The following COPA variants were observed in gnomAD, a reference collection of about 807,000 sequenced individuals.
COPA encodes the protein coat protein complex I subunit alpha, also known as coatomer subunit alpha.
Under a neutral mutation model 158.7 loss-of-function variants are expected in COPA, and 10 were observed. The observed-to-expected ratio is 0.06, with a 90% CI of 0.04 to 0.11. The LOEUF (loss-of-function observed/expected upper bound fraction) is 0.11. COPA is among the 10% of genes least tolerant of loss of function. The pLI is 1.00. For synonymous variants in COPA, 462 were observed against 542.8 expected (o/e 0.85, Z 2.07); for missense variants, 1,065 against 1,536.7 (o/e 0.69, Z 5.13).
chr1:160,309,859 C>T lies in COPA; in HGVS notation c.1143+333G>A, dbSNP rs537096772. The stretch of plus-strand genomic sequence containing the variant: ...CAAAATAATAGTTCTTCTATTTTCA[C>T]CCAAAGGAAGGGATCAAGGTAAACA... On this transcript the variant is annotated intron_variant, in intron 12 of 32. Transcript: ENST00000241704. 2.6e-5 allele frequency among the ~76,000 whole-genome samples: 4 copies of T among 151,622 alleles called. No homozygotes were observed. In the East Asian group the frequency reaches 5.8e-4, roughly 22 times the overall value.
intron 27 of COPA, 22 bp from the exon 28 acceptor site, chr1:160,292,642 A>C: frequency 1.3e-6 from 2 of 1,565,666 alleles, no homozygotes; most frequent in South Asian, 2.3e-5. Flanking sequence ...GGAAAGAAAC[A>C]AGGATTTTGG....
chr1:160,297,247 A>G, intron 21 of COPA, 96 bp downstream of exon 21: 1 of 1,091,892 alleles, frequency 9.2e-7, no homozygotes, highest in Non-Finnish European at 1.4e-6. Context: ...TGCACAATAA[A>G]GAGAAATCCC....
intron 3 of COPA, among the ~76,000 whole-genome samples, chr1:160,336,809 T>C (rs1290792470): frequency 6.6e-6 from 1 of 152,178 alleles, no homozygotes; most frequent in Non-Finnish European, 1.5e-5. Context: ...ATTATAAAAA[T>C]TTCATTTCCT....
intron 3 of COPA, chr1:160,339,597 A>C (rs12081673): frequency 0.019 from 4,001 of 212,102 alleles, 168 homozygotes; most frequent in African/African-American, 0.088. Flanking sequence ...CACTGTGAAT[A>C]TCTCTCTATT....
Position 160,290,378 on chromosome 1 carries a change from T to C in COPA, c.3615+114A>G, listed in dbSNP as rs578009931. ...GGAGATGCTCTAGCTTTCTCCAGTG[T>C]CACTGCCTCAGGGAGCAGGGGACAA... On this transcript the variant is annotated intron_variant, in intron 32 of 32. Coordinates refer to ENST00000241704, the MANE Select transcript of COPA (RefSeq NM_004371.4). 7 of 1,409,762 alleles carry C rather than the reference T, an allele frequency of 5.0e-6. No individual in the cohort carries two copies. The South Asian group carries it at 6.6e-5, about 13-fold the overall frequency. The allele number at this position is 1,409,762 out of a possible 1,614,324, so 87.3% of individuals were successfully genotyped here.
chr1:160,304,178 TA>T (rs771815206), intron 17 of COPA, among the ~76,000 whole-genome samples: 7 of 151,252 alleles, frequency 4.6e-5, no homozygotes, highest in Non-Finnish European at 8.8e-5. Flanking sequence ...CACACCCAGC[TA>T]ATTTTTTTTT....
intron 17 of COPA, 100 bp downstream of exon 17, chr1:160,305,333 A>G (rs1312071716): frequency 3.9e-6 from 5 of 1,268,592 alleles, no homozygotes; most frequent in East Asian, 2.3e-5. Flanking sequence ...AGGCTTTTCC[A>G]TGAAGAAAAT....
chr1:160,320,608 CAAAAAAAAAAAAAA>C (rs56849348), intron 8 of COPA, among the ~76,000 whole-genome samples: 1 of 15,502 alleles, frequency 6.5e-5, no homozygotes, highest in East Asian at 2.3e-3. Flanking sequence ...GACTCCAACT[CAAAAAAAAAAAAAA>C]AAAAAAAAAA....
At chr1:160,320,608 CA>C (rs56849348) in intron 8 of COPA, among the ~76,000 whole-genome samples, 66 of 15,494 alleles carry the variant, frequency 4.3e-3, no homozygotes, top group Non-Finnish European at 5.0e-3. Context: ...GACTCCAACT[CA>C]AAAAAAAAAA....
At chr1:160,311,663 T>C (rs984103867) in intron 11 of COPA, among the ~76,000 whole-genome samples, 1 of 150,320 alleles carries the variant, frequency 6.7e-6, no homozygotes, top group Admixed American at 6.6e-5. Flanking sequence ...AGGAGAATGG[T>C]GTGAACCCGG....
intron 14 of COPA, 70 bp from the exon 15 acceptor site, chr1:160,306,563 TC>T: frequency 2.5e-6 from 4 of 1,576,536 alleles, no homozygotes; most frequent in Non-Finnish European, 3.5e-6. Flanking sequence ...CTGATGATGT[TC>T]CTCAGCAATT....
chr1:160,318,445 T>C (rs1193212973), intron 8 of COPA, among the ~76,000 whole-genome samples: 1 of 119,978 alleles, frequency 8.3e-6, no homozygotes, highest in Non-Finnish European at 1.6e-5. Context: ...CTGTACCAGC[T>C]TCATTAAAAT....
Position 160,290,171 on chromosome 1 carries a change from G to C in COPA, c.3661C>G (p.Leu1221Val), listed in dbSNP as rs767865430. 6.2e-7 allele frequency: 1 copy of C among 1,614,186 alleles called. No homozygotes were observed. Among genetic ancestry groups the C allele is most frequent in the Admixed American group, 1.7e-5 (1 of 60,032 alleles). ...KDVIGLRISP[L>V]QFR is the part of the protein sequence containing the mutation. The stretch of plus-strand genomic sequence containing the variant: ...CAAAGGGGGCCTTAGCGAAACTGCA[G>C]AGGACTGATCCTTAAACCAATCACA... The change falls in exon 33 of 33, where the codon CTG becomes GTG. Residue 1221 changes from leucine to valine, a missense_variant. Physicochemically the swap from Leu to Val is conservative, Grantham distance 32 (BLOSUM62 1). Coordinates refer to ENST00000241704, the MANE Select transcript of COPA (RefSeq NM_004371.4).
intron 3 of COPA, 176 bp downstream of exon 3, chr1:160,339,733 T>G: frequency 1.9e-6 from 1 of 519,924 alleles, no homozygotes; most frequent in Middle Eastern, 4.5e-4. Flanking sequence ...AAGAAAACAG[T>G]GTCTGGTACA....
chr1:160,331,525 C>T (rs1393564933), intron 6 of COPA, among the ~76,000 whole-genome samples: 1 of 151,242 alleles, frequency 6.6e-6, no homozygotes, highest in Non-Finnish European at 1.5e-5. Context: ...TGGTGGCGTG[C>T]ACCTGTAATC....
intron 17 of COPA, among the ~76,000 whole-genome samples, chr1:160,303,637 T>G (rs1386565150): frequency 6.6e-6 from 1 of 152,142 alleles, no homozygotes; most frequent in Non-Finnish European, 1.5e-5. Context: ...ATAAATATTT[T>G]AAAAATAGGA....
intron 6 of COPA, among the ~76,000 whole-genome samples, chr1:160,330,309 G>A (rs1261553183): frequency 6.6e-6 from 1 of 152,180 alleles, no homozygotes; most frequent in Admixed American, 6.5e-5. Flanking sequence ...AGTGAGGAGA[G>A]GACACAGGTT....
intron 3 of COPA, 31 bp from the exon 4 acceptor site, chr1:160,335,353 AAT>A (rs770261051): frequency 1.9e-6 from 3 of 1,584,800 alleles, no homozygotes; most frequent in Admixed American, 3.5e-5. Context: ...AAGAAACAGA[AAT>A]AGTTATTGAG....
At chr1:160,294,884 C>T (rs377287704) in intron 23 of COPA, 27 bp from the exon 24 acceptor site, 1 of 1,603,906 alleles carries the variant, frequency 6.2e-7, no homozygotes, top group Non-Finnish European at 8.5e-7. Flanking sequence ...CAGAACGGAA[C>T]TGGTTATAGT....
Sources: gnomAD v4.1 joint callset for allele counts (sites outside exome capture counted in the v4.1 genomes callset) on GRCh38, gnomAD v4.1.1 for gene constraint, MANE v1.5 for transcripts, NCBI Gene and HGNC (gene_info 2026-07-23, HGNC 2026-07-21) for gene names.